Variants in LINGO2 observed in about 807,000 individuals in gnomAD.
LINGO2 encodes leucine rich repeat and Ig domain containing 2, also known as leucine-rich repeat and immunoglobulin-like domain-containing nogo receptor-interacting protein 2.
In LINGO2, 14 loss-of-function variants were observed where a neutral mutation model predicts 30.6. The ratio of observed to expected loss-of-function variants is 0.46; its 90% CI spans 0.30 to 0.72. LINGO2 has a LOEUF of 0.72. LINGO2 is among the 30% of genes least tolerant of loss of function. LINGO2 has a pLI of 0.07. For synonymous variants in LINGO2, 317 were observed against 288.5 expected (o/e 1.10, Z -1.00); for missense variants, 729 against 751.7 (o/e 0.97, Z 0.35).
chr9:29,190,676 C>T, the LINGO2 span, among the ~76,000 whole-genome samples: 1 of 152,038 alleles, frequency 6.6e-6, no homozygotes, highest in Non-Finnish European at 1.5e-5. Flanking sequence ...CAATGGAAAG[C>T]AACCAATAAG....
chr9:28,844,132 C>T, the LINGO2 span, among the ~76,000 whole-genome samples: 6 of 151,734 alleles, frequency 4.0e-5, 1 homozygote, highest in East Asian at 1.9e-4. Flanking sequence ...GAGGCTGAGG[C>T]GGGTGGATCA....
Position 28,093,402 on chromosome 9 carries a change from C to T in LINGO2, c.-86-80997G>A, listed in dbSNP as rs112498075. ...CACTTGGGTGAGGCAGACCGTGACACTGCAGTGTAACTCGCTTTCAGCATA... is the reference window on the plus strand; with the variant it reads ...CACTTGGGTGAGGCAGACCGTGACATTGCAGTGTAACTCGCTTTCAGCATA... On this transcript the variant is annotated intron_variant, in intron 4 of 5. Coordinates refer to ENST00000379992, the Ensembl canonical transcript of LINGO2. Among the ~76,000 whole-genome samples the T allele has an allele frequency of 5.8e-3, 885 of 152,166 alleles. 12 individuals are homozygous for T. The highest frequency in any genetic ancestry group is 0.02 in the African/African-American group (835 of 41,524).
the LINGO2 span, among the ~76,000 whole-genome samples, chr9:29,144,694 A>T: frequency 6.6e-6 from 1 of 152,262 alleles, no homozygotes; most frequent in East Asian, 1.9e-4. Context: ...ACTAAGTCCT[A>T]CCACAGCACA....
At chr9:28,578,171 G>A (rs1042720416) in intron 1 of LINGO2, among the ~76,000 whole-genome samples, 17 of 152,100 alleles carry the variant, frequency 1.1e-4, no homozygotes, top group African/African-American at 3.9e-4. Context: ...TGATGAAGAA[G>A]GGTCTTGCTG....
chr9:29,112,831 T>C, the LINGO2 span, among the ~76,000 whole-genome samples: 16 of 152,132 alleles, frequency 1.1e-4, no homozygotes, highest in Non-Finnish European at 2.2e-4. Flanking sequence ...GAAAACACAC[T>C]CATATATTAT....
the LINGO2 span, among the ~76,000 whole-genome samples, chr9:28,816,135 AACC>A: frequency 6.6e-6 from 1 of 152,298 alleles, no homozygotes; most frequent in South Asian, 2.1e-4. Context: ...CTCCCAAGAT[AACC>A]ATGTTAATCT....
intron 4 of LINGO2, among the ~76,000 whole-genome samples, chr9:28,226,575 AAGAG>A (rs879905593): frequency 1.5e-4 from 23 of 151,260 alleles, no homozygotes; most frequent in Admixed American, 6.6e-4. Context: ...TCGGAAGAAA[AAGAG>A]AGAGAGAAAG....
the LINGO2 span, among the ~76,000 whole-genome samples, chr9:29,204,252 A>C: frequency 6.6e-6 from 1 of 152,206 alleles, no homozygotes; most frequent in South Asian, 2.1e-4. Context: ...TTCTCAGCTG[A>C]ATGCTCACTA....
At chr9:28,937,388 G>A in the LINGO2 span, among the ~76,000 whole-genome samples, 15 of 152,102 alleles carry the variant, frequency 9.9e-5, 1 homozygote, top group South Asian at 4.1e-4. Context: ...ATGGTAGGAC[G>A]GACATAGGAA....
chr9:28,302,311 A>G (rs569604873), intron 3 of LINGO2, among the ~76,000 whole-genome samples: 1 of 152,346 alleles, frequency 6.6e-6, no homozygotes, highest in Non-Finnish European at 1.5e-5. Flanking sequence ...ACCACCCTCA[A>G]GAACAGTGCC....
intron 1 of LINGO2, among the ~76,000 whole-genome samples, chr9:28,612,775 T>C (rs1825974414): frequency 6.6e-6 from 1 of 152,164 alleles, no homozygotes. Flanking sequence ...GTTAAGACTT[T>C]AGGAGACTGT....
the LINGO2 span, among the ~76,000 whole-genome samples, chr9:28,801,927 G>T: frequency 6.6e-6 from 1 of 151,964 alleles, no homozygotes; most frequent in Non-Finnish European, 1.5e-5. Context: ...AATATAGTGT[G>T]CCAAAATAAT....
intron 3 of LINGO2, among the ~76,000 whole-genome samples, chr9:28,301,112 G>A (rs1173746075): frequency 1.3e-5 from 2 of 152,130 alleles, no homozygotes; most frequent in East Asian, 3.8e-4. Context: ...TGTAAATATA[G>A]TGTGGCTGAC....
intron 4 of LINGO2, among the ~76,000 whole-genome samples, chr9:28,224,481 A>G (rs1397533207): frequency 1.3e-5 from 2 of 152,232 alleles, no homozygotes; most frequent in Non-Finnish European, 2.9e-5. Context: ...CATCATCGCC[A>G]CAAATATTTA....
At chr9:28,959,391 A>G in the LINGO2 span, among the ~76,000 whole-genome samples, 3 of 152,074 alleles carry the variant, frequency 2.0e-5, no homozygotes, top group Non-Finnish European at 2.9e-5. Context: ...GTCTAGATAC[A>G]TTATAATAAC....
intron 2 of LINGO2, among the ~76,000 whole-genome samples, chr9:28,403,753 A>G (rs751651890): frequency 6.6e-6 from 1 of 151,974 alleles, no homozygotes; most frequent in Admixed American, 6.6e-5. Flanking sequence ...CAGAGTTTAC[A>G]TAATAGTAAT....
At chr9:29,209,265 G>A in the LINGO2 span, among the ~76,000 whole-genome samples, 1 of 152,084 alleles carries the variant, frequency 6.6e-6, no homozygotes, top group Non-Finnish European at 1.5e-5. Context: ...TGAAGTTGCA[G>A]CGAGACACAA....
At chr9:28,431,496 C>G (rs1823675251) in intron 2 of LINGO2, among the ~76,000 whole-genome samples, 1 of 152,126 alleles carries the variant, frequency 6.6e-6, no homozygotes, top group African/African-American at 2.4e-5. Context: ...AAGAAAGAAA[C>G]AGAATTTTAA....
chr9:28,481,293 T>C (rs10812834), intron 1 of LINGO2, among the ~76,000 whole-genome samples: 19,638 of 152,128 alleles, frequency 0.13, 1,392 homozygotes, highest in South Asian at 0.22. Context: ...AATGAGACAA[T>C]TGAAACATGG....
Sources: allele counts gnomAD v4.1 joint callset (sites outside exome capture counted in the v4.1 genomes callset), GRCh38; gene constraint gnomAD v4.1.1; transcripts MANE v1.5; gene names NCBI Gene and HGNC (gene_info 2026-07-23, HGNC 2026-07-21).